Variants in PLCB1 observed in about 807,000 individuals in gnomAD.
PLCB1 encodes 1-phosphatidylinositol 4,5-bisphosphate phosphodiesterase beta-1.
In PLCB1, 46 loss-of-function variants were observed where a neutral mutation model predicts 161.8. The ratio of observed to expected loss-of-function variants is 0.28; its 90% CI spans 0.22 to 0.36. The LOEUF is 0.36. Ranked by LOEUF, PLCB1 falls within the 10% of genes least tolerant of loss-of-function variation. The probability of loss-of-function intolerance (pLI) is 1.00; values close to 1 mark genes in which losing one functional copy is unlikely to be tolerated. For synonymous variants in PLCB1, 517 were observed against 503.7 expected (o/e 1.03, Z -0.35); for missense variants, 1,016 against 1,472.5 (o/e 0.69, Z 5.07).
chr20:8,778,590 A>G (rs1399687379), intron 27 of PLCB1, among the ~76,000 whole-genome samples: 1 of 152,172 alleles, frequency 6.6e-6, no homozygotes. Context: ...TACACATTGT[A>G]AAAGTTTTGA....
In PLCB1 at chr20:8,297,795, T is replaced by G. The variant is rs1390547346; in HGVS notation, c.178-73587T>G. 2.0e-5 allele frequency among the ~76,000 whole-genome samples: 3 copies of G among 152,146 alleles called. No individual in the cohort carries two copies. The East Asian group carries it at 5.8e-4, about 29-fold the overall frequency. ...AAGAGCTATTAATTTCAGTGAATTCTGCCTGCATAATATGTGCAGCCCCTA... is the reference window on the plus strand; with the variant it reads ...AAGAGCTATTAATTTCAGTGAATTCGGCCTGCATAATATGTGCAGCCCCTA... On this transcript the variant is annotated intron_variant, in intron 2 of 31. Coordinates refer to ENST00000338037, the MANE Select transcript of PLCB1 (RefSeq NM_015192.4).
intron 3 of PLCB1, among the ~76,000 whole-genome samples, chr20:8,587,502 A>G (rs1987026124): frequency 6.6e-6 from 1 of 152,222 alleles, no homozygotes; most frequent in African/African-American, 2.4e-5. Context: ...GAGTGAAAGA[A>G]AAACAGGAAA....
At chr20:8,267,997 A>G (rs1275704714) in intron 2 of PLCB1, among the ~76,000 whole-genome samples, 2 of 140,434 alleles carry the variant, frequency 1.4e-5, no homozygotes, top group African/African-American at 5.3e-5. Context: ...TTTAAGTTCT[A>G]GGGTACATGT....
chr20:8,470,632 C>T (rs1982011515), intron 3 of PLCB1, among the ~76,000 whole-genome samples: 1 of 152,132 alleles, frequency 6.6e-6, no homozygotes, highest in African/African-American at 2.4e-5. Flanking sequence ...GCAGCCTTGA[C>T]TTCCCAAGAT....
intron 10 of PLCB1, among the ~76,000 whole-genome samples, chr20:8,688,470 A>T (rs1181825016): frequency 6.6e-6 from 1 of 152,126 alleles, no homozygotes; most frequent in Non-Finnish European, 1.5e-5. Context: ...GAATTTTTAT[A>T]GTTTCAGGTC....
intron 10 of PLCB1, 110 bp downstream of exon 10, chr20:8,685,188 G>A (rs1477189267): frequency 9.6e-7 from 1 of 1,046,214 alleles, no homozygotes; most frequent in Non-Finnish European, 1.4e-6. Flanking sequence ...TTCCTGCGAA[G>A]TGCCTCTGAG....
At position 8,509,323 on chromosome 20, in the gene PLCB1, G is replaced by T. The variant is rs906004295; in HGVS notation, c.247-118971G>T. ...CCCCAAACACATTCCACAGGAGAGCGCATCCGAGCATCAATTCTTGTAAGA... is the reference window on the plus strand; with the variant it reads ...CCCCAAACACATTCCACAGGAGAGCTCATCCGAGCATCAATTCTTGTAAGA... On this transcript the variant is annotated intron_variant, in intron 3 of 31. Coordinates refer to ENST00000338037, the MANE Select transcript of PLCB1 (RefSeq NM_015192.4). Among the ~76,000 whole-genome samples the T allele has an allele frequency of 7.9e-5, 12 of 152,284 alleles. No individual in the cohort carries two copies. In the South Asian group the frequency reaches 2.5e-3, roughly 32 times the overall value.
intron 2 of PLCB1, among the ~76,000 whole-genome samples, chr20:8,188,549 G>A (rs1358103396): frequency 6.6e-6 from 1 of 152,178 alleles, no homozygotes; most frequent in African/African-American, 2.4e-5. Context: ...GAGGAGCAAT[G>A]TGGATTGCTA....
At chr20:8,429,773 C>G (rs973281192) in intron 3 of PLCB1, among the ~76,000 whole-genome samples, 9 of 152,078 alleles carry the variant, frequency 5.9e-5, no homozygotes, top group Non-Finnish European at 1.0e-4. Flanking sequence ...TGCAAATCTA[C>G]CCTGCACAGT....
At chr20:8,348,176 G>A (rs763935149) in intron 2 of PLCB1, among the ~76,000 whole-genome samples, 1 of 152,156 alleles carries the variant, frequency 6.6e-6, no homozygotes, top group Non-Finnish European at 1.5e-5. Flanking sequence ...CAGGTCATAG[G>A]ACAATTCCAG....
At chr20:8,779,150 A>T (rs919904544) in intron 27 of PLCB1, among the ~76,000 whole-genome samples, 7 of 152,168 alleles carry the variant, frequency 4.6e-5, no homozygotes, top group Non-Finnish European at 8.8e-5. Context: ...TTGGTTAAGG[A>T]TTATGCATTT....
At chr20:8,152,564 A>T (rs570802358) in intron 2 of PLCB1, among the ~76,000 whole-genome samples, 48 of 152,256 alleles carry the variant, frequency 3.2e-4, no homozygotes, top group African/African-American at 1.0e-3. Context: ...GCCACTTTTT[A>T]AAAAATATTT....
rs1427001121 is a variant in PLCB1, at chr20:8,238,555, G to C, written c.177+88184G>C. The stretch of plus-strand genomic sequence containing the variant: ...TAGATGAGGTCTCTCAGAAGAGCTA[G>C]ACAGAAGTATAAGGACTCACCTTTA... On this transcript the variant is annotated intron_variant, in intron 2 of 31. Transcript: ENST00000338037. Among the ~76,000 whole-genome samples, 3 of 151,834 alleles carry C rather than the reference G, an allele frequency of 2.0e-5. No homozygotes were observed. In the East Asian group the frequency reaches 5.8e-4, roughly 30 times the overall value.
intron 2 of PLCB1, chr20:8,249,820 T>C (rs569537259): frequency 1.3e-5 from 2 of 152,084 alleles, no homozygotes; most frequent in African/African-American, 4.8e-5. Context: ...TTGTTTCTTT[T>C]GATTACTGGC....
chr20:8,766,435 A>C (rs746229409), intron 26 of PLCB1, among the ~76,000 whole-genome samples: 3 of 152,170 alleles, frequency 2.0e-5, no homozygotes, highest in African/African-American at 7.2e-5. Flanking sequence ...CAGGCTGAGG[A>C]AACAGCAAGT....
intron 2 of PLCB1, among the ~76,000 whole-genome samples, chr20:8,252,759 C>G (rs917653344): frequency 2.6e-5 from 4 of 151,900 alleles, no homozygotes; most frequent in Non-Finnish European, 5.9e-5. Context: ...CTAGCCAGAC[C>G]ACTTACTATT....
At chr20:8,717,292 T>A (rs1979371950) in intron 13 of PLCB1, among the ~76,000 whole-genome samples, 1 of 152,200 alleles carries the variant, frequency 6.6e-6, no homozygotes, top group Admixed American at 6.5e-5. Flanking sequence ...TACCAACTCC[T>A]CCTGGCAGAT....
chr20:8,645,209 C>A (rs1295383451), intron 4 of PLCB1, among the ~76,000 whole-genome samples: 2 of 150,014 alleles, frequency 1.3e-5, no homozygotes, highest in Admixed American at 6.7e-5. Flanking sequence ...AAACCAGAGA[C>A]CTTTGTTCAC....
Position 8,872,358 on chromosome 20 carries a change from C to G in PLCB1, c.3424-9264C>G, listed in dbSNP as rs1034396223. ...CTGTTTACATCTGGAGTATTTTCAA[C>G]TTTGACCTAGAAATACACTGATCAC... is the stretch of plus-strand genomic sequence containing the variant. On this transcript the variant is annotated intron_variant, in intron 31 of 31. Transcript: ENST00000338037. Among the ~76,000 whole-genome samples the G allele has an allele frequency of 2.4e-4, 37 of 152,162 alleles. 1 individual carries two copies. Among genetic ancestry groups the G allele is most frequent in the African/African-American group, 8.7e-4 (36 of 41,448 alleles).
Sources: allele counts gnomAD v4.1 joint callset (sites outside exome capture counted in the v4.1 genomes callset), GRCh38; gene constraint gnomAD v4.1.1; transcripts MANE v1.5; gene names NCBI Gene and HGNC (gene_info 2026-07-23, HGNC 2026-07-21).